Variants in ACVR1 observed in about 807,000 individuals in gnomAD.
ACVR1 encodes the protein activin A receptor type 1.
ACVR1 carries 38 observed loss-of-function variants against 57.1 expected under a neutral mutation model. That is an observed-to-expected ratio of 0.67 (90% confidence interval 0.51 to 0.87). The LOEUF is 0.87. Among genes scored for constraint, ACVR1 ranks in the 40% least tolerant of loss-of-function variants. The pLI is 0.00. For synonymous variants in ACVR1, 212 were observed against 228.1 expected, an observed-to-expected ratio of 0.93 and a Z score of 0.63; for missense variants, 463 against 638.2, an observed-to-expected ratio of 0.73 and a Z score of 2.96.
At chr2:157,817,757 T>C (rs1687995132) in intron 2 of ACVR1, among the ~76,000 whole-genome samples, 1 of 151,816 alleles carries the variant, frequency 6.6e-6, no homozygotes. Context: ...TCCCATCACG[T>C]TGGGAGGCCA....
intron 3 of ACVR1, among the ~76,000 whole-genome samples, chr2:157,791,523 C>T (rs1425432446): frequency 3.3e-5 from 5 of 152,224 alleles, no homozygotes; most frequent in Non-Finnish European, 7.3e-5. Context: ...ATTCTGGCCT[C>T]TCACGCTCTA....
intron 4 of ACVR1, 75 bp downstream of exon 4, chr2:157,780,262 G>T (rs1358664251): frequency 1.9e-6 from 3 of 1,602,146 alleles, no homozygotes; most frequent in Non-Finnish European, 2.6e-6. Flanking sequence ...TAGCTACTTA[G>T]ATCTTTAACC....
chr2:157,785,662 T>C (rs981660425), intron 3 of ACVR1, among the ~76,000 whole-genome samples: 1 of 152,194 alleles, frequency 6.6e-6, no homozygotes, highest in Non-Finnish European at 1.5e-5. Flanking sequence ...AATCATTTTT[T>C]TTCCTTATCC....
intron 1 of ACVR1, among the ~76,000 whole-genome samples, chr2:157,871,579 G>T (rs1229903204): frequency 6.6e-6 from 1 of 152,196 alleles, no homozygotes; most frequent in Non-Finnish European, 1.5e-5. Context: ...AGTCAACAAT[G>T]AAGTAACTCT....
In ACVR1 at chr2:157,737,322, G is replaced by A. The variant is rs1684570429; in HGVS notation, c.*209C>T. On this transcript the variant is annotated 3_prime_UTR_variant, in exon 11 of 11. Coordinates refer to ENST00000434821, the MANE Select transcript of ACVR1 (RefSeq NM_001111067.4). Reference sequence around the variant, plus strand: ...AGTCTCTGCAGTGTGAACAGTTCGTGAAATGCCCAGTTCACAGTCATCGAG... The same window carrying A: ...AGTCTCTGCAGTGTGAACAGTTCGTAAAATGCCCAGTTCACAGTCATCGAG... The A allele has an allele frequency of 1.6e-6, 1 of 644,894 alleles. No individual in the cohort carries two copies. Among genetic ancestry groups the A allele is most frequent in the Non-Finnish European group, 2.8e-6 (1 of 360,250 alleles). 39.9% of individuals were successfully genotyped at this position (644,894 alleles called of 1,614,324 possible). A position where few individuals can be genotyped will look rare whatever the true frequency, so the allele number is the denominator to read the frequency against.
At chr2:157,750,652 G>A (rs972097102) in intron 9 of ACVR1, among the ~76,000 whole-genome samples, 11 of 152,102 alleles carry the variant, frequency 7.2e-5, no homozygotes, top group African/African-American at 7.2e-5. Flanking sequence ...TATACCAGAT[G>A]TGCTGATATC....
At chr2:157,864,258 A>T (rs1689838375) in intron 1 of ACVR1, among the ~76,000 whole-genome samples, 1 of 151,606 alleles carries the variant, frequency 6.6e-6, no homozygotes, top group Non-Finnish European at 1.5e-5. Context: ...CCCAGCCTGT[A>T]TGGGGTACAG....
Position 157,816,603 on chromosome 2 carries a change from GTAATAA to G in ACVR1, c.-8+1776_-8+1781del, listed in dbSNP as rs35068721. Among the ~76,000 whole-genome samples, 20 of 150,468 alleles carry G rather than the reference GTAATAA, an allele frequency of 1.3e-4. No individual in the cohort carries two copies. In the South Asian group the frequency reaches 2.7e-3, roughly 21 times the overall value. ...CAGAGTGAGACCCTGCCTCAAAATA[GTAATAA>G]TAATAATAATAATAATAAGGCTGTT... On this transcript the variant is annotated intron_variant, in intron 2 of 10. Coordinates refer to ENST00000434821, the MANE Select transcript of ACVR1 (RefSeq NM_001111067.4).
At chr2:157,761,346 A>G (rs988315992) in intron 8 of ACVR1, among the ~76,000 whole-genome samples, 1 of 152,174 alleles carries the variant, frequency 6.6e-6, no homozygotes, top group African/African-American at 2.4e-5. Context: ...TTGTAGACCA[A>G]TGCACTAAAC....
chr2:157,795,865 C>T (rs1331532690), intron 3 of ACVR1, among the ~76,000 whole-genome samples: 1 of 152,070 alleles, frequency 6.6e-6, no homozygotes, highest in Non-Finnish European at 1.5e-5. Flanking sequence ...ACTTCTTTGT[C>T]TCTTCTCTCT....
intron 7 of ACVR1, among the ~76,000 whole-genome samples, chr2:157,767,206 TATTTTAAGTAGAG>T (rs745333137): frequency 4.3e-4 from 66 of 152,058 alleles, no homozygotes; most frequent in Non-Finnish European, 6.3e-4. Flanking sequence ...TAATTTTTTA[TATTTTAAGTAGAG>T]ATGAGGTTTC....
rs190626904 is a variant in ACVR1 at position 157,788,241 on chromosome 2, T to C, written c.68-7641A>G. Among the ~76,000 whole-genome samples the C allele has an allele frequency of 4.9e-4, 74 of 152,280 alleles. 1 individual carries two copies. Among genetic ancestry groups the C allele is most frequent in the Non-Finnish European group, 8.4e-4 (57 of 68,014 alleles). On this transcript the variant is annotated intron_variant, in intron 3 of 10. Coordinates refer to ENST00000434821, the MANE Select transcript of ACVR1 (RefSeq NM_001111067.4). ...CCCACTTATCCCCCCTTATGCACCG[T>C]TTCACTTTCCACTATTTCGGTTACC...
At chr2:157,823,106 G>A (rs1688215746) in intron 1 of ACVR1, among the ~76,000 whole-genome samples, 1 of 152,184 alleles carries the variant, frequency 6.6e-6, no homozygotes, top group African/African-American at 2.4e-5. Context: ...ACGGCGAGAA[G>A]AAATCATGAC....
At chr2:157,799,129 C>G (rs968336301) in intron 3 of ACVR1, among the ~76,000 whole-genome samples, 1 of 152,040 alleles carries the variant, frequency 6.6e-6, no homozygotes, top group Admixed American at 6.6e-5. Context: ...CTCCTGACCT[C>G]AGGTGATCCA....
At position 157,780,365 on chromosome 2, in the gene ACVR1, C is replaced by T; in HGVS notation, c.303G>A (p.Arg101=). ...TAGTGGGCAGCTGGGCCGTGATGTT[C>T]CTGTTACACCAGTCCCCTTGGCAGC... ...VECCQGDWCN[R]NITAQLPTKG... Residue 101 remains arginine, a synonymous_variant, in exon 4 of 11, where the codon AGG becomes AGA. Transcript: ENST00000434821. 1 of 1,614,172 alleles carries T rather than the reference C, an allele frequency of 6.2e-7. No homozygotes were observed. The highest frequency in any genetic ancestry group is 8.5e-7 in the Non-Finnish European group (1 of 1,180,004).
At chr2:157,857,237 A>G (rs1055610204) in intron 1 of ACVR1, among the ~76,000 whole-genome samples, 6 of 152,048 alleles carry the variant, frequency 3.9e-5, no homozygotes, top group African/African-American at 1.4e-4. Context: ...ACAATTCTGG[A>G]TATTTCTGGG....
chr2:157,776,147 G>A (rs771697395), intron 5 of ACVR1, among the ~76,000 whole-genome samples: 1 of 152,174 alleles, frequency 6.6e-6, no homozygotes, highest in Non-Finnish European at 1.5e-5. Flanking sequence ...TTTAAATAGT[G>A]TTCTTTACTG....
chr2:157,820,570 C>G (rs1387549491), intron 1 of ACVR1, among the ~76,000 whole-genome samples: 1 of 151,698 alleles, frequency 6.6e-6, no homozygotes, highest in Non-Finnish European at 1.5e-5. Context: ...CAGAGACTCT[C>G]TCTCTTTTTT....
At chr2:157,739,622 G>A (rs1422444488) in intron 9 of ACVR1, among the ~76,000 whole-genome samples, 1 of 151,796 alleles carries the variant, frequency 6.6e-6, no homozygotes, top group Non-Finnish European at 1.5e-5. Context: ...TGTTGGAGGC[G>A]ACAGAAGGAG....
Sources: allele counts gnomAD v4.1 joint callset (sites outside exome capture counted in the v4.1 genomes callset), GRCh38; gene constraint gnomAD v4.1.1; transcripts MANE v1.5; gene names NCBI Gene and HGNC (gene_info 2026-07-23, HGNC 2026-07-21).